SYT14: variants seen among roughly 807,000 people sequenced by gnomAD.
The protein encoded by SYT14 is synaptotagmin 14, also known as synaptotagmin-14.
SYT14 carries 32 observed loss-of-function variants against 74.2 expected under a neutral mutation model. The ratio of observed to expected loss-of-function variants is 0.43; its 90% CI spans 0.33 to 0.58. The LOEUF (loss-of-function observed/expected upper bound fraction) is 0.58. Among genes scored for constraint, SYT14 ranks in the 20% least tolerant of loss-of-function variants. The pLI, the probability that SYT14 is intolerant of heterozygous loss-of-function variation, is 0.05. For missense variants in SYT14, 791 were observed against 981.8 expected (o/e 0.81, Z 2.60); for synonymous variants, 298 against 337.7 (o/e 0.88, Z 1.29).
intron 2 of SYT14, among the ~76,000 whole-genome samples, chr1:209,995,050 C>T (rs1255935185): frequency 2.0e-5 from 3 of 152,142 alleles, no homozygotes; most frequent in Non-Finnish European, 4.4e-5. Flanking sequence ...CACTTAAGTA[C>T]GTAGCTCACA....
intron 5 of SYT14, among the ~76,000 whole-genome samples, chr1:210,075,548 T>C (rs2081482226): frequency 6.6e-6 from 1 of 151,454 alleles, no homozygotes; most frequent in Non-Finnish European, 1.5e-5. Context: ...TTGGCCAGGA[T>C]GGTCTCCAAC....
At chr1:210,091,091 A>G (rs752664313) in intron 5 of SYT14, among the ~76,000 whole-genome samples, 9 of 152,180 alleles carry the variant, frequency 5.9e-5, no homozygotes, top group Non-Finnish European at 8.8e-5. Context: ...AAGTCTACCC[A>G]TTGAGCCCAC....
chr1:209,949,968 A>G (rs1048771833), intron 1 of SYT14, among the ~76,000 whole-genome samples: 2 of 152,192 alleles, frequency 1.3e-5, no homozygotes, highest in Non-Finnish European at 2.9e-5. Context: ...GAATGCTTTT[A>G]AAAGTGGGAA....
intron 4 of SYT14, among the ~76,000 whole-genome samples, chr1:210,018,180 C>T (rs1245940584): frequency 6.6e-6 from 1 of 152,190 alleles, no homozygotes; most frequent in Non-Finnish European, 1.5e-5. Context: ...TGTCGCCAGG[C>T]TGGATTGCAG....
intron 7 of SYT14, among the ~76,000 whole-genome samples, chr1:210,107,599 A>G (rs2082181872): frequency 6.6e-6 from 1 of 152,204 alleles, no homozygotes; most frequent in Admixed American, 6.5e-5. Context: ...GTTAAGAAAA[A>G]TGACTAACCC....
intron 2 of SYT14, among the ~76,000 whole-genome samples, chr1:209,979,252 G>A (rs143854476): frequency 0.027 from 4,051 of 152,242 alleles, 191 homozygotes; most frequent in African/African-American, 0.091. Flanking sequence ...GATGAGCCCG[G>A]TACCTCAGTT....
intron 6 of SYT14, among the ~76,000 whole-genome samples, chr1:210,097,238 C>G (rs142932359): frequency 2.2e-4 from 33 of 152,244 alleles, no homozygotes; most frequent in Non-Finnish European, 3.5e-4. Context: ...TCACTTTTCT[C>G]TTGGTTTAAT....
chr1:210,152,067 C>T (rs2083175921), intron 7 of SYT14, among the ~76,000 whole-genome samples: 2 of 152,186 alleles, frequency 1.3e-5, no homozygotes, highest in South Asian at 4.1e-4. Context: ...ACCAAATGTG[C>T]TCAAGCATGT....
chr1:210,038,756 C>G (rs2080723564), intron 5 of SYT14, among the ~76,000 whole-genome samples: 1 of 152,082 alleles, frequency 6.6e-6, no homozygotes, highest in African/African-American at 2.4e-5. Flanking sequence ...TCTCTTCTTG[C>G]TTATACAGTT....
chr1:209,970,662 C>CTT lies in SYT14; in HGVS notation c.-486+17944_-486+17945dup, dbSNP rs35639848. On this transcript the variant is annotated intron_variant, in intron 2 of 9. Transcript: ENST00000637265. ...TTACAGATTGCTTTGGGCAGTATGG[C>CTT]TTTTTTTTTTTTTTTTTTTTTTTTT... is the stretch of plus-strand genomic sequence containing the variant. Among the ~76,000 whole-genome samples, 93 of 62,802 alleles carry CTT rather than the reference C, an allele frequency of 1.5e-3. 25 individuals are homozygous for CTT. The highest frequency in any genetic ancestry group is 3.2e-3 in the East Asian group (4 of 1,248). The allele number at this position is 62,802 out of a possible 152,430, so 41.2% of individuals were successfully genotyped here.
At chr1:210,057,083 G>A (rs1271284443) in intron 5 of SYT14, among the ~76,000 whole-genome samples, 1 of 152,038 alleles carries the variant, frequency 6.6e-6, no homozygotes, top group African/African-American at 2.4e-5. Flanking sequence ...GACCTCAAGT[G>A]ATCTGCCTTC....
chr1:210,157,741 AAAAAAT>A (rs896051980), intron 8 of SYT14, among the ~76,000 whole-genome samples: 4 of 151,818 alleles, frequency 2.6e-5, no homozygotes, highest in African/African-American at 7.2e-5. Context: ...GCTCCATCTA[AAAAAAT>A]AAAAATAAAA....
chr1:210,030,552 C>T (rs1448587988), intron 5 of SYT14, among the ~76,000 whole-genome samples: 1 of 152,092 alleles, frequency 6.6e-6, no homozygotes, highest in Non-Finnish European at 1.5e-5. Flanking sequence ...TAATTTTTTC[C>T]TTTTCACTTT....
At chr1:210,099,734 T>G (rs2082027525) in intron 6 of SYT14, among the ~76,000 whole-genome samples, 1 of 152,216 alleles carries the variant, frequency 6.6e-6, no homozygotes, top group Non-Finnish European at 1.5e-5. Context: ...AAATTCTCAT[T>G]TATAAAAACA....
intron 5 of SYT14, among the ~76,000 whole-genome samples, chr1:210,049,533 T>A (rs2080951456): frequency 1.3e-5 from 2 of 152,058 alleles, no homozygotes; most frequent in South Asian, 4.2e-4. Flanking sequence ...GCTGTGTCCA[T>A]CAACTTGTCA....
At chr1:210,013,245 A>G (rs550877975) in intron 2 of SYT14, among the ~76,000 whole-genome samples, 2 of 151,870 alleles carry the variant, frequency 1.3e-5, no homozygotes, top group South Asian at 4.2e-4. Context: ...TAATTTTTGC[A>G]TTTTTAGTAG....
intron 5 of SYT14, among the ~76,000 whole-genome samples, chr1:210,079,101 G>T (rs935817679): frequency 8.6e-5 from 13 of 150,314 alleles, no homozygotes; most frequent in African/African-American, 2.9e-4. Flanking sequence ...TTTAATCATT[G>T]TTTTTTTTTA....
At chr1:210,041,951 G>C in intron 5 of SYT14, among the ~76,000 whole-genome samples, 1 of 152,024 alleles carries the variant, frequency 6.6e-6, no homozygotes, top group Non-Finnish European at 1.5e-5. Context: ...CTCTGCTCTG[G>C]GTTTTATATC....
chr1:210,160,783 G>T, exon 10 of SYT14: 1 of 1,613,952 alleles, frequency 6.2e-7, no homozygotes, highest in Non-Finnish European at 8.5e-7. Context: ...ATGTCCAAAT[G>T]CAAGACATCC....
Sources: gnomAD v4.1 joint callset for allele counts (sites outside exome capture counted in the v4.1 genomes callset) on GRCh38, gnomAD v4.1.1 for gene constraint, MANE v1.5 for transcripts, NCBI Gene and HGNC (gene_info 2026-07-23, HGNC 2026-07-21) for gene names.